OXR1: variants seen among roughly 807,000 people sequenced by gnomAD.
OXR1 encodes oxidation resistance 1.
OXR1 carries 41 observed loss-of-function variants against 104.6 expected under a neutral mutation model. The observed-to-expected ratio is 0.39, with a 90% CI of 0.31 to 0.51. The LOEUF (loss-of-function observed/expected upper bound fraction) is 0.51. Ranked by LOEUF, OXR1 falls within the 20% of genes least tolerant of loss-of-function variation. The pLI is 0.77. For missense variants in OXR1, 955 were observed against 1,031.9 expected (o/e 0.93, Z 1.02); for synonymous variants, 348 against 348.4 (o/e 1.00, Z 0.01).
At chr8:106,737,478 C>G in intron 11 of OXR1, 42 bp from the exon 12 acceptor site, 1 of 71,994 alleles carries the variant, frequency 1.4e-5, no homozygotes, top group Non-Finnish European at 2.5e-5. Context: ...CTGTTTTTCT[C>G]AACTGTCAGT....
intron 3 of OXR1, among the ~76,000 whole-genome samples, chr8:106,587,993 C>G (rs988954169): frequency 6.6e-6 from 1 of 151,778 alleles, no homozygotes; most frequent in Non-Finnish European, 1.5e-5. Context: ...GCTCTGTCAC[C>G]CAGGCTGGAG....
At chr8:106,737,660 C>G in intron 12 of OXR1, 60 bp downstream of exon 12, 1 of 589,430 alleles carries the variant, frequency 1.7e-6, no homozygotes, top group Non-Finnish European at 2.6e-6. Flanking sequence ...TTTTAGTGTT[C>G]TTTGTCATGG....
intron 2 of OXR1, among the ~76,000 whole-genome samples, chr8:106,456,757 C>A (rs1313255618): frequency 6.6e-6 from 1 of 152,170 alleles, no homozygotes; most frequent in Non-Finnish European, 1.5e-5. Context: ...CTTCTTTGAA[C>A]TGGTCATGAA....
intron 1 of OXR1, among the ~76,000 whole-genome samples, chr8:106,339,653 C>G (rs1003106604): frequency 1.3e-5 from 2 of 149,896 alleles, no homozygotes; most frequent in African/African-American, 4.9e-5. Flanking sequence ...CATACTGGCT[C>G]TTTAGCTGTA....
intron 3 of OXR1, among the ~76,000 whole-genome samples, chr8:106,653,902 G>A (rs1824835708): frequency 6.6e-6 from 1 of 151,790 alleles, no homozygotes; most frequent in East Asian, 1.9e-4. Context: ...TAAGATACAA[G>A]AACAGTATTC....
chr8:106,628,631 C>T (rs1162896719), intron 3 of OXR1, among the ~76,000 whole-genome samples: 2 of 152,118 alleles, frequency 1.3e-5, no homozygotes, highest in Non-Finnish European at 1.5e-5. Context: ...TTTTGGTTTG[C>T]TTTCCTTGCC....
At chr8:106,578,047 G>A (rs1319541125) in intron 3 of OXR1, among the ~76,000 whole-genome samples, 1 of 152,154 alleles carries the variant, frequency 6.6e-6, no homozygotes, top group Non-Finnish European at 1.5e-5. Context: ...GCTTCACAGG[G>A]CTAGGGGTGT....
At chr8:106,531,991 G>C (rs915441012) in intron 3 of OXR1, among the ~76,000 whole-genome samples, 1 of 152,118 alleles carries the variant, frequency 6.6e-6, no homozygotes, top group Admixed American at 6.5e-5. Context: ...ATATAAGCCT[G>C]GGTAAACCTC....
chr8:106,473,719 T>G (rs1821641973), intron 2 of OXR1, among the ~76,000 whole-genome samples: 1 of 151,686 alleles, frequency 6.6e-6, no homozygotes, highest in Non-Finnish European at 1.5e-5. Flanking sequence ...AAGAGAGTTA[T>G]TTTCATTTTT....
At chr8:106,304,263 C>A (rs940021413) in intron 1 of OXR1, among the ~76,000 whole-genome samples, 9 of 152,044 alleles carry the variant, frequency 5.9e-5, no homozygotes, top group Non-Finnish European at 1.2e-4. Context: ...GACATATTTT[C>A]TTGGAAAAGT....
intron 2 of OXR1, among the ~76,000 whole-genome samples, chr8:106,448,657 A>G (rs1045280610): frequency 1.3e-5 from 2 of 152,158 alleles, no homozygotes; most frequent in Non-Finnish European, 2.9e-5. Flanking sequence ...AAAAATAATT[A>G]TTGGAAATTC....
At chr8:106,461,632 T>C (rs377404038) in intron 2 of OXR1, among the ~76,000 whole-genome samples, 31 of 152,278 alleles carry the variant, frequency 2.0e-4, no homozygotes, top group African/African-American at 6.5e-4. Context: ...TTTAAATACA[T>C]GGCCTTTAAA....
At chr8:106,487,387 A>C (rs1321147924) in intron 2 of OXR1, among the ~76,000 whole-genome samples, 6 of 146,798 alleles carry the variant, frequency 4.1e-5, no homozygotes, top group African/African-American at 1.3e-4. Flanking sequence ...TTATGGATAC[A>C]TAACAATTGT....
At chr8:106,436,767 G>A (rs531677507) in intron 2 of OXR1, among the ~76,000 whole-genome samples, 9 of 152,226 alleles carry the variant, frequency 5.9e-5, no homozygotes, top group East Asian at 1.9e-4. Context: ...AGCAGCTACA[G>A]GCTCACATCC....
At position 106,730,366 on chromosome 8, in the gene OXR1, A is replaced by G. The variant is rs1444523704; in HGVS notation, c.1957-7154A>G. ...ACATGCTATAATTTTTCTGCCCTAA[A>G]AATTCCCTGTGCCACAGCTATTTAT... On this transcript the variant is annotated intron_variant, in intron 11 of 16. Transcript: ENST00000517566. Among the ~76,000 whole-genome samples, 3 of 152,068 alleles carry G rather than the reference A, an allele frequency of 2.0e-5. No individual in the cohort carries two copies. The South Asian group carries it at 6.2e-4, about 31-fold the overall frequency.
intron 2 of OXR1, among the ~76,000 whole-genome samples, chr8:106,392,129 A>G (rs1490688861): frequency 6.6e-6 from 1 of 152,188 alleles, no homozygotes; most frequent in Non-Finnish European, 1.5e-5. Flanking sequence ...GGCAAGTGAG[A>G]CCTTAGGACT....
chr8:106,597,543 T>A (rs1389170534), intron 3 of OXR1, among the ~76,000 whole-genome samples: 1 of 152,186 alleles, frequency 6.6e-6, no homozygotes, highest in Non-Finnish European at 1.5e-5. Flanking sequence ...AATATCTGTT[T>A]TGGGTATTTT....
intron 3 of OXR1, among the ~76,000 whole-genome samples, chr8:106,630,748 T>C (rs1177482000): frequency 6.6e-6 from 1 of 152,176 alleles, no homozygotes; most frequent in African/African-American, 2.4e-5. Context: ...TTAGCCAGAT[T>C]TGTATACCTG....
intron 3 of OXR1, among the ~76,000 whole-genome samples, chr8:106,645,210 T>G (rs1823975513): frequency 1.3e-5 from 2 of 152,202 alleles, no homozygotes. Flanking sequence ...TTGATGTCTC[T>G]GTATATTTAA....
Sources: allele counts gnomAD v4.1 joint callset (sites outside exome capture counted in the v4.1 genomes callset), GRCh38; gene constraint gnomAD v4.1.1; transcripts MANE v1.5; gene names NCBI Gene and HGNC (gene_info 2026-07-23, HGNC 2026-07-21).